Variants in TMEM108 observed in about 807,000 individuals in gnomAD.
TMEM108 encodes the protein cancer/testis antigen 124.
TMEM108 carries 12 observed loss-of-function variants against 35.1 expected under a neutral mutation model. The observed-to-expected ratio is 0.34, with a 90% CI of 0.22 to 0.55. The LOEUF (loss-of-function observed/expected upper bound fraction) is 0.55. Among genes scored for constraint, TMEM108 ranks in the 20% least tolerant of loss-of-function variants. The pLI, the probability that TMEM108 is intolerant of heterozygous loss-of-function variation, is 0.89. For missense variants in TMEM108, 680 were observed against 753.3 expected (o/e 0.90, Z 1.14); for synonymous variants, 287 against 308.6 (o/e 0.93, Z 0.73).
chr3:133,073,510 C>CTCTCTCTCTCTCTCTCTCTCTCTA, intron 2 of TMEM108, among the ~76,000 whole-genome samples: 23 of 43,892 alleles, frequency 5.2e-4, no homozygotes, highest in African/African-American at 1.3e-3. Context: ...CTCTCTCTCT[C>CTCTCTCTCTCTCTCTCTCTCTCTA]TATATATATA....
chr3:133,142,821 C>T (rs942332617), intron 2 of TMEM108, among the ~76,000 whole-genome samples: 1 of 152,150 alleles, frequency 6.6e-6, no homozygotes. Context: ...AAACAGTGTT[C>T]TAAATGCTTT....
chr3:133,194,182 G>T (rs752018375), intron 2 of TMEM108, among the ~76,000 whole-genome samples: 1 of 152,022 alleles, frequency 6.6e-6, no homozygotes, highest in African/African-American at 2.4e-5. Context: ...TGATCCGCCC[G>T]CCTCAGCCTC....
intron 2 of TMEM108, among the ~76,000 whole-genome samples, chr3:133,203,514 AT>A (rs1249065498): frequency 6.6e-5 from 10 of 152,184 alleles, no homozygotes; most frequent in African/African-American, 2.4e-4. Flanking sequence ...TGCGTGTTGA[AT>A]TTTTGTCACA....
intron 2 of TMEM108, among the ~76,000 whole-genome samples, chr3:133,122,461 T>G (rs1944363993): frequency 1.3e-5 from 2 of 152,184 alleles, no homozygotes. Flanking sequence ...ACCTGAATGG[T>G]AAAAATAACC....
intron 2 of TMEM108, among the ~76,000 whole-genome samples, chr3:133,148,228 C>T (rs1449620343): frequency 6.6e-6 from 1 of 152,064 alleles, no homozygotes; most frequent in African/African-American, 2.4e-5. Context: ...GAGGAAAATA[C>T]AAGAGGAACT....
At chr3:133,054,747 T>G (rs1158599382) in intron 2 of TMEM108, among the ~76,000 whole-genome samples, 1 of 152,224 alleles carries the variant, frequency 6.6e-6, no homozygotes, top group East Asian at 1.9e-4. Flanking sequence ...ATGATGGTCC[T>G]GGCTCTATTT....
chr3:133,275,528 G>A (rs1414046700), intron 3 of TMEM108, among the ~76,000 whole-genome samples: 1 of 152,128 alleles, frequency 6.6e-6, no homozygotes, highest in Non-Finnish European at 1.5e-5. Context: ...CTACTGTATT[G>A]GATAATGCAG....
At chr3:133,191,942 C>T (rs561449981) in intron 2 of TMEM108, among the ~76,000 whole-genome samples, 2 of 152,270 alleles carry the variant, frequency 1.3e-5, no homozygotes, top group Non-Finnish European at 2.9e-5. Context: ...GAATATGTCT[C>T]TGTGGTGCTG....
chr3:133,217,483 T>C (rs1945926624), intron 2 of TMEM108, among the ~76,000 whole-genome samples: 1 of 151,990 alleles, frequency 6.6e-6, no homozygotes, highest in Non-Finnish European at 1.5e-5. Flanking sequence ...TGGGGTCATA[T>C]CCAAAAAATC....
chr3:133,064,709 CTT>C (rs200166546), intron 2 of TMEM108, among the ~76,000 whole-genome samples: 7,435 of 141,070 alleles, frequency 0.053, 238 homozygotes, highest in African/African-American at 0.086. Context: ...AGAAATAAAC[CTT>C]TTTTTTTTTT....
intron 1 of TMEM108, among the ~76,000 whole-genome samples, chr3:133,040,160 G>A (rs887588397): frequency 6.6e-6 from 1 of 151,660 alleles, no homozygotes; most frequent in African/African-American, 2.4e-5. Context: ...CAAATTAGTG[G>A]GAATAATTTA....
At position 133,273,282 on chromosome 3, in the gene TMEM108, G is replaced by A. The variant is rs140959650; in HGVS notation, c.40+43931G>A. Among the ~76,000 whole-genome samples, 358 of 152,278 alleles carry A rather than the reference G, an allele frequency of 2.4e-3. 2 individuals carry two copies. Among genetic ancestry groups the A allele is most frequent in the African/African-American group, 7.9e-3 (328 of 41,550 alleles). On this transcript the variant is annotated intron_variant, in intron 3 of 5. Transcript: ENST00000321871. The stretch of plus-strand genomic sequence containing the variant: ...TTATGGATAAAAATTGTCTTATGAT[G>A]TGTCCAATGGAATGAAGAGTAAATG...
At chr3:133,119,438 C>T (rs557739335) in intron 2 of TMEM108, 1 of 152,088 alleles carries the variant, frequency 6.6e-6, no homozygotes, top group Non-Finnish European at 1.5e-5. Flanking sequence ...CTGACAGAAC[C>T]CTGATTCTCT....
chr3:133,065,389 G>T (rs76489004), intron 2 of TMEM108, among the ~76,000 whole-genome samples: 4,197 of 152,178 alleles, frequency 0.028, 103 homozygotes, highest in South Asian at 0.06. Flanking sequence ...CATTACAGAA[G>T]AATGCCTTTC....
intron 2 of TMEM108, among the ~76,000 whole-genome samples, chr3:133,118,394 T>A (rs16839984): frequency 6.6e-6 from 1 of 151,942 alleles, no homozygotes; most frequent in Non-Finnish European, 1.5e-5. Context: ...TAATGCAATA[T>A]TTATGGAATT....
chr3:133,097,718 C>T (rs908900676), intron 2 of TMEM108, among the ~76,000 whole-genome samples: 8 of 152,036 alleles, frequency 5.3e-5, no homozygotes, highest in Non-Finnish European at 1.2e-4. Flanking sequence ...AATTTTTATC[C>T]AGAGAGACAT....
intron 3 of TMEM108, among the ~76,000 whole-genome samples, chr3:133,342,555 T>TATATATATATATATATACACACACAC (rs60991711): frequency 3.2e-5 from 2 of 63,412 alleles, no homozygotes; most frequent in African/African-American, 1.0e-4. Context: ...TATATATATA[T>TATATATATATATATATACACACACAC]ACACACACAC....
chr3:133,233,060 T>TTTAA, intron 3 of TMEM108, among the ~76,000 whole-genome samples: 1 of 151,738 alleles, frequency 6.6e-6, no homozygotes, highest in Non-Finnish European at 1.5e-5. Flanking sequence ...ATTATTATAC[T>TTTAA]TTAAGTTTTA....
chr3:133,176,672 G>A (rs1945235564), intron 2 of TMEM108, among the ~76,000 whole-genome samples: 1 of 152,110 alleles, frequency 6.6e-6, no homozygotes. Flanking sequence ...AAAGCAGTGT[G>A]TAGAGGGAAA....
Sources: allele counts gnomAD v4.1 joint callset (sites outside exome capture counted in the v4.1 genomes callset), GRCh38; gene constraint gnomAD v4.1.1; transcripts MANE v1.5; gene names NCBI Gene and HGNC (gene_info 2026-07-23, HGNC 2026-07-21).